USH2A: variants seen among roughly 807,000 people sequenced by gnomAD.
The protein encoded by USH2A is Usher syndrome 2A (autosomal recessive, mild).
In USH2A, 443 loss-of-function variants were observed where a neutral mutation model predicts 538.9. The ratio of observed to expected loss-of-function variants is 0.82; its 90% CI spans 0.76 to 0.89. The LOEUF (loss-of-function observed/expected upper bound fraction) is 0.89. USH2A is among the 40% of genes least tolerant of loss of function. The pLI is 0.00. For missense variants in USH2A, 6,633 were observed against 6,324.8 expected (o/e 1.05, Z -1.65); for synonymous variants, 2,413 against 2,273.5 (o/e 1.06, Z -1.75).
At chr1:215,738,668 C>G (rs1168711466) in intron 60 of USH2A, among the ~76,000 whole-genome samples, 1 of 152,030 alleles carries the variant, frequency 6.6e-6, no homozygotes, top group African/African-American at 2.4e-5. Context: ...GATTCAGGGT[C>G]TTGGTGAGAA....
At chr1:216,341,941 G>A (rs1216396754) in intron 4 of USH2A, among the ~76,000 whole-genome samples, 3 of 152,108 alleles carry the variant, frequency 2.0e-5, no homozygotes, top group Admixed American at 6.6e-5. Flanking sequence ...CATAGGCAAA[G>A]ATTTCATGTC....
chr1:215,885,566 CATT>C (rs1371932234), intron 41 of USH2A, among the ~76,000 whole-genome samples: 1 of 152,096 alleles, frequency 6.6e-6, no homozygotes, highest in Non-Finnish European at 1.5e-5. Context: ...AACTCTTTGA[CATT>C]ATATATTTAT....
intron 64 of USH2A, among the ~76,000 whole-genome samples, chr1:215,668,066 C>T (rs1657689802): frequency 6.6e-6 from 1 of 152,244 alleles, no homozygotes; most frequent in South Asian, 2.1e-4. Flanking sequence ...TGTTTTTATT[C>T]CCTACAATCT....
In USH2A at chr1:215,878,844, T is replaced by C. The variant is rs2102451650; in HGVS notation, c.8478A>G (p.Pro2826=). ...ATTCACTTAGTGGAATCACAGACAA[T>C]GGGCCAACATTCTGAGGTACGGTGG... The part of the protein sequence containing the change: ...THPTVPQNVG[P]LSVIPLSESY... Residue 2826 remains proline (P), a synonymous_variant, in exon 42 of 72, where the codon CCA becomes CCG. Transcript: ENST00000307340. 6.2e-7 allele frequency: 1 copy of C among 1,613,906 alleles called. No homozygotes were observed. The highest frequency in any genetic ancestry group is 8.5e-7 in the Non-Finnish European group (1 of 1,179,942).
At chr1:215,729,840 C>T (rs1235682199) in intron 60 of USH2A, among the ~76,000 whole-genome samples, 1 of 152,134 alleles carries the variant, frequency 6.6e-6, no homozygotes, top group Non-Finnish European at 1.5e-5. Flanking sequence ...GCCATGTTGC[C>T]CAGGCTGGTC....
rs2102552064 is a variant in USH2A at position 216,251,081 on chromosome 1, A to G, written c.1989T>C (p.Asn663=). The G allele has an allele frequency of 6.2e-7, 1 of 1,614,052 alleles. No homozygotes were observed. The highest frequency in any genetic ancestry group is 1.7e-5 in the Admixed American group (1 of 60,014). Reference sequence around the variant, plus strand: ...GCCTGCCAGACACGTGTCTCTTACAATTACACTGTCCTCCAATCTAGAGAA... The same window carrying G: ...GCCTGCCAGACACGTGTCTCTTACAGTTACACTGTCCTCCAATCTAGAGAA... ...ILCDQIGGQC[N]CKRHVSGRQC... is the part of the protein sequence containing the mutation. The change falls in exon 12 of 72, where the codon AAT becomes AAC. Residue 663 remains asparagine, a synonymous_variant. Coordinates refer to ENST00000307340, the MANE Select transcript of USH2A (RefSeq NM_206933.4).
At chr1:215,980,543 C>T (rs889915785) in intron 35 of USH2A, among the ~76,000 whole-genome samples, 2 of 151,952 alleles carry the variant, frequency 1.3e-5, no homozygotes, top group Non-Finnish European at 2.9e-5. Context: ...TAGAATGTTG[C>T]CAGCACCCCA....
At chr1:216,217,322 CAAT>C (rs1160936010) in intron 15 of USH2A, 62 bp downstream of exon 15, 9 of 1,595,386 alleles carry the variant, frequency 5.6e-6, no homozygotes, top group Non-Finnish European at 6.0e-6. Flanking sequence ...AGAAAGAAAA[CAAT>C]GAGATGCAGT....
rs397518011 is a variant in USH2A at position 216,207,280 on chromosome 1, G to T, written c.3309C>A (p.Tyr1103Ter). The T allele has an allele frequency of 7.4e-6, 12 of 1,613,788 alleles. No individual in the cohort carries two copies. Among genetic ancestry groups the T allele is most frequent in the Non-Finnish European group, 1.0e-5 (12 of 1,179,916 alleles). The change falls in exon 16 of 72, where the codon TAC becomes TAA. Residue 1103 changes from tyrosine (Y) to a stop codon, truncating the protein, a stop_gained. Coordinates refer to ENST00000307340, the MANE Select transcript of USH2A (RefSeq NM_206933.4). LOFTEE classifies it high-confidence loss of function. ...CCAAACCCTTAAACTCACTGTATGGGTATTGATCCTCTGTTGTGTAGATTT... is the reference window on the plus strand; with the variant it reads ...CCAAACCCTTAAACTCACTGTATGGTTATTGATCCTCTGTTGTGTAGATTT... ...GFEIYTTEDQYPYSIQYFLDT... is the reference protein window; with the variant it reads ...GFEIYTTEDQ
intron 35 of USH2A, 132 bp from the exon 36 acceptor site, chr1:215,970,908 T>G: frequency 1.1e-6 from 1 of 922,178 alleles, no homozygotes; most frequent in Non-Finnish European, 1.7e-6. Context: ...TATTTCTCCT[T>G]GTCTAAACTC....
chr1:216,190,166 A>G (rs1243672277), intron 20 of USH2A, 57 bp downstream of exon 20: 4 of 1,606,458 alleles, frequency 2.5e-6, no homozygotes, highest in Admixed American at 3.4e-5. Context: ...GTTGAATATT[A>G]TAAGTTTTTT....
intron 11 of USH2A, among the ~76,000 whole-genome samples, chr1:216,265,418 T>G (rs1034284962): frequency 6.6e-6 from 1 of 151,862 alleles, no homozygotes; most frequent in Non-Finnish European, 1.5e-5. Flanking sequence ...TAGCATACCA[T>G]TATGGAAAAA....
At chr1:216,363,557 T>C (rs2038536300) in intron 4 of USH2A, among the ~76,000 whole-genome samples, 1 of 152,074 alleles carries the variant, frequency 6.6e-6, no homozygotes. Flanking sequence ...ATATGATTGA[T>C]AGATTGATGG....
At chr1:216,416,723 A>G (rs761462515) in intron 3 of USH2A, among the ~76,000 whole-genome samples, 13 of 152,134 alleles carry the variant, frequency 8.5e-5, no homozygotes, top group Non-Finnish European at 1.8e-4. Flanking sequence ...ACCGCTCTGC[A>G]TTTAGATTTT....
chr1:216,013,527 C>T (rs573691645), intron 32 of USH2A, among the ~76,000 whole-genome samples: 1 of 152,044 alleles, frequency 6.6e-6, no homozygotes, highest in Non-Finnish European at 1.5e-5. Flanking sequence ...TCCAGATGGC[C>T]GGTTCCTGCC....
chr1:216,400,625 T>A (rs750325510), intron 3 of USH2A, among the ~76,000 whole-genome samples: 1 of 152,080 alleles, frequency 6.6e-6, no homozygotes, highest in African/African-American at 2.4e-5. Flanking sequence ...AGGAAACTCA[T>A]GCTAGGGCTT....
chr1:216,065,893 T>C (rs1311018823), intron 30 of USH2A, among the ~76,000 whole-genome samples: 4 of 151,446 alleles, frequency 2.6e-5, no homozygotes, highest in Non-Finnish European at 5.9e-5. Context: ...TGAGACCCTG[T>C]CTCAAAAAAT....
At chr1:216,190,177 T>A in intron 20 of USH2A, 46 bp downstream of exon 20, 1 of 1,610,276 alleles carries the variant, frequency 6.2e-7, no homozygotes, top group Middle Eastern at 1.7e-4. Flanking sequence ...TAAGTTTTTT[T>A]TCTTGATAGG....
At chr1:215,681,181 G>A (rs1658215590) in intron 61 of USH2A, among the ~76,000 whole-genome samples, 1 of 152,040 alleles carries the variant, frequency 6.6e-6, no homozygotes, top group Non-Finnish European at 1.5e-5. Context: ...AACATATTTG[G>A]CATAACTAAA....
Sources: allele counts gnomAD v4.1 joint callset (sites outside exome capture counted in the v4.1 genomes callset), GRCh38; gene constraint gnomAD v4.1.1; transcripts MANE v1.5; gene names NCBI Gene and HGNC (gene_info 2026-07-23, HGNC 2026-07-21).